The following NOS2 variants were observed in gnomAD, a reference collection of about 807,000 sequenced individuals.
NOS2 encodes the protein nitric oxide synthase 2.
NOS2 carries 96 observed loss-of-function variants against 136.0 expected under a neutral mutation model. The ratio of observed to expected loss-of-function variants is 0.71; its 90% CI spans 0.60 to 0.84. The LOEUF (loss-of-function observed/expected upper bound fraction) is 0.84, where lower values mean the gene tolerates loss of function less well. Among genes scored for constraint, NOS2 ranks in the 40% least tolerant of loss-of-function variants. The pLI, the probability that NOS2 is intolerant of heterozygous loss-of-function variation, is 0.00. For missense variants in NOS2, 1,237 were observed against 1,496.9 expected, an observed-to-expected ratio of 0.83 and a Z score of 2.87; for synonymous variants, 539 against 587.5, an observed-to-expected ratio of 0.92 and a Z score of 1.20.
rs1476222036 is a variant in NOS2 at position 27,778,914 on chromosome 17, A to T, written c.1147T>A (p.Phe383Ile). 6.2e-7 allele frequency: 1 copy of T among 1,608,416 alleles called. No homozygotes were observed. Among genetic ancestry groups the T allele is most frequent in the Non-Finnish European group, 8.5e-7 (1 of 1,175,960 alleles). Residue 383 changes from phenylalanine (F) to isoleucine (I), a missense_variant, in exon 10 of 27, where the codon TTC becomes ATC. Phe to Ile is a conservative substitution (Grantham distance 21). Coordinates refer to ENST00000313735, the MANE Select transcript of NOS2 (RefSeq NM_000625.4). The part of the protein sequence containing the change: ...YMGTEIGVRD[F>I]CDVQRYNILE... ...ATGTTGTAGCGCTGGACGTCACAGA[A>T]GTCCCGGACTCCGATCTCTGTGCCC...
intron 20 of NOS2, 103 bp from the exon 21 acceptor site, chr17:27,764,247 G>C: frequency 4.5e-6 from 3 of 661,542 alleles, no homozygotes; most frequent in Non-Finnish European, 7.1e-6. Flanking sequence ...TCCAGCTGCA[G>C]GGGAAAGGAG....
chr17:27,788,989 C>T, intron 3 of NOS2, 58 bp from the exon 4 acceptor site: 2 of 1,583,370 alleles, frequency 1.3e-6, no homozygotes, highest in Non-Finnish European at 8.6e-7. Context: ...CAGGCCCTGC[C>T]TTGTCTTAGA....
intron 2 of NOS2, chr17:27,793,766 C>T (rs1330800581): frequency 5.2e-6 from 2 of 386,024 alleles, no homozygotes; most frequent in African/African-American, 4.2e-5. Flanking sequence ...CGCTCGGAGC[C>T]TGCAGCCCCC....
Position 27,759,739 on chromosome 17 carries a change from T to G in NOS2, c.3159+291A>C, listed in dbSNP as rs1362670096. ...TTGAGCGTAGCCAGCCTGGACCACC[T>G]CTCCCCGGGCAGTCGCGTGTCCCAG... On this transcript the variant is annotated intron_variant, in intron 25 of 26. Coordinates refer to ENST00000313735, the MANE Select transcript of NOS2 (RefSeq NM_000625.4). 2.0e-5 allele frequency among the ~76,000 whole-genome samples: 3 copies of G among 151,980 alleles called. No individual in the cohort carries two copies. In the East Asian group the frequency reaches 5.8e-4, roughly 29 times the overall value.
chr17:27,779,742 C>T (rs1050341364), intron 9 of NOS2, among the ~76,000 whole-genome samples: 3 of 152,130 alleles, frequency 2.0e-5, no homozygotes, highest in African/African-American at 7.2e-5. Context: ...AGCTGGGGTT[C>T]AAGTTCTGCC....
intron 19 of NOS2, 121 bp from the exon 20 acceptor site, chr17:27,765,837 G>GC: frequency 9.1e-7 from 1 of 1,101,920 alleles, no homozygotes. Flanking sequence ...GGTTCCACAA[G>GC]CTAGGCCACC....
At chr17:27,757,393 C>G in intron 26 of NOS2, 40 bp from the exon 27 acceptor site, 1 of 1,582,594 alleles carries the variant, frequency 6.3e-7, no homozygotes, top group South Asian at 1.1e-5. Context: ...CAAGTCCAGG[C>G]TGGGATGAGC....
In NOS2 at chr17:27,792,930, C is replaced by T. The variant is rs926045314; in HGVS notation, c.111-3242G>A. ...ACCTGAGCCCTGGAGGTGGAGGCTA[C>T]GGTGAACCGAGACGGCGCCACTGTC... On this transcript the variant is annotated intron_variant, in intron 2 of 26. Coordinates refer to ENST00000313735, the MANE Select transcript of NOS2 (RefSeq NM_000625.4). Among the ~76,000 whole-genome samples, 6 of 151,626 alleles carry T rather than the reference C, an allele frequency of 4.0e-5. No homozygotes were observed. In the South Asian group the frequency reaches 6.3e-4, roughly 16 times the overall value.
chr17:27,794,713 C>T (rs201857481), intron 2 of NOS2, among the ~76,000 whole-genome samples: 6 of 135,580 alleles, frequency 4.4e-5, no homozygotes. Context: ...CACACACACG[C>T]GCACACACAC....
chr17:27,760,884 G>C, intron 23 of NOS2, 140 bp from the exon 24 acceptor site: 1 of 1,157,958 alleles, frequency 8.6e-7, no homozygotes, highest in South Asian at 1.6e-5. Flanking sequence ...GATTTCCCAC[G>C]TCCTGCAGGC....
At chr17:27,762,761 G>A in intron 22 of NOS2, 37 bp downstream of exon 22, 1 of 1,413,474 alleles carries the variant, frequency 7.1e-7, no homozygotes, top group Non-Finnish European at 9.7e-7. Context: ...ATAATGGGCG[G>A]AGCGGGGCTG....
At chr17:27,786,028 G>T (rs1416389990) in intron 5 of NOS2, among the ~76,000 whole-genome samples, 3 of 144,610 alleles carry the variant, frequency 2.1e-5, no homozygotes, top group African/African-American at 5.1e-5. Context: ...CACTCTTTCC[G>T]CCAGGGAGTC....
At chr17:27,784,402 G>A (rs3794764) in intron 5 of NOS2, among the ~76,000 whole-genome samples, 38,410 of 152,044 alleles carry the variant, frequency 0.25, 5,057 homozygotes, top group Middle Eastern at 0.4. Flanking sequence ...ATAAGGAGCT[G>A]CTGGGTGAGG....
intron 14 of NOS2, among the ~76,000 whole-genome samples, chr17:27,771,430 C>T (rs1908491431): frequency 6.6e-6 from 1 of 152,208 alleles, no homozygotes; most frequent in African/African-American, 2.4e-5. Context: ...CTGTTCTATC[C>T]AGGCCCACCC....
At chr17:27,774,114 C>T (rs949374306) in intron 12 of NOS2, 143 bp downstream of exon 12, 1 of 528,366 alleles carries the variant, frequency 1.9e-6, no homozygotes, top group Non-Finnish European at 3.0e-6. Flanking sequence ...GCTCAGCATC[C>T]TTGAGTGGGG....
chr17:27,787,630 G>T, intron 5 of NOS2, 48 bp downstream of exon 5: 1 of 1,410,916 alleles, frequency 7.1e-7, no homozygotes, highest in Non-Finnish European at 9.9e-7. Flanking sequence ...AGACAGGAGA[G>T]CAGGAGGAAG....
At chr17:27,765,737 C>G in intron 19 of NOS2, 21 bp from the exon 20 acceptor site, 1 of 1,579,762 alleles carries the variant, frequency 6.3e-7, no homozygotes, top group Non-Finnish European at 8.6e-7. Context: ...AAAATGAAGC[C>G]TCAGGTGACA....
At chr17:27,763,501 G>GATGATAATA (rs1908202830) in intron 21 of NOS2, among the ~76,000 whole-genome samples, 1 of 152,214 alleles carries the variant, frequency 6.6e-6, no homozygotes, top group South Asian at 2.1e-4. Context: ...CTATAATGAT[G>GATGATAATA]ATGATAATAA....
At chr17:27,795,711 A>G (rs4796080) in intron 2 of NOS2, among the ~76,000 whole-genome samples, 33,222 of 152,170 alleles carry the variant, frequency 0.22, 3,752 homozygotes, top group Middle Eastern at 0.24. Flanking sequence ...AAATGGGATA[A>G]CTAAAATTCC....
Sources: gnomAD v4.1 joint callset for allele counts (sites outside exome capture counted in the v4.1 genomes callset) on GRCh38, gnomAD v4.1.1 for gene constraint, MANE v1.5 for transcripts, NCBI Gene and HGNC (gene_info 2026-07-23, HGNC 2026-07-21) for gene names.